Variants in FLVCR1 observed in about 807,000 individuals in gnomAD.
FLVCR1 encodes the protein FLVCR choline and heme transporter 1, also known as choline/ethanolamine transporter FLVCR1.
Under a neutral mutation model 53.6 loss-of-function variants are expected in FLVCR1, and 34 were observed. That is an observed-to-expected ratio of 0.63 (90% CI 0.48 to 0.84). The LOEUF (loss-of-function observed/expected upper bound fraction) is 0.84. FLVCR1 is among the 40% of genes least tolerant of loss of function. The probability of loss-of-function intolerance (pLI) is 0.00; values close to 1 mark genes in which losing one functional copy is unlikely to be tolerated. For missense variants in FLVCR1, 677 were observed against 696.7 expected, an observed-to-expected ratio of 0.97 and a Z score of 0.32; for synonymous variants, 300 against 286.3, an observed-to-expected ratio of 1.05 and a Z score of -0.48.
In FLVCR1 at chr1:212,896,164, A is replaced by G. The variant is rs1009139785; in HGVS notation, c.*874A>G. 7 of 146,108 alleles carry G rather than the reference A, an allele frequency of 4.8e-5. No individual in the cohort carries two copies. Among genetic ancestry groups the G allele is most frequent in the African/African-American group, 1.8e-4 (7 of 39,258 alleles). 9.1% of individuals were successfully genotyped at this position (146,108 alleles called of 1,614,324 possible). A position where few individuals can be genotyped will look rare whatever the true frequency, so the allele number is the denominator to read the frequency against. On this transcript the variant is annotated 3_prime_UTR_variant, in exon 10 of 10. Transcript: ENST00000366971. ...TTTTTTTCCTGATGTGTAACTTTCT[A>G]GTAAGATAATTTCATCATGTATGTT... is the stretch of plus-strand genomic sequence containing the variant.
rs1048534427 is a variant in FLVCR1, at chr1:212,885,632, C to T, written c.1196+236C>T. The T allele has an allele frequency of 2.1e-4, 79 of 381,104 alleles. 1 individual carries two copies. The highest frequency in any genetic ancestry group is 3.0e-5 in the South Asian group (1 of 32,858). 23.6% of individuals were successfully genotyped at this position (381,104 alleles called of 1,614,324 possible). A position where few individuals can be genotyped will look rare whatever the true frequency, so the allele number is the denominator to read the frequency against. On this transcript the variant is annotated intron_variant, in intron 5 of 9. Transcript: ENST00000366971. ...GTGGCGCAATCTCGGCTCACTGCAA[C>T]CTCTGTCTCCCGGCTTCACGCCATT...
chr1:212,893,591 A>C (rs755211637), intron 8 of FLVCR1, among the ~76,000 whole-genome samples: 26 of 152,174 alleles, frequency 1.7e-4, no homozygotes, highest in Non-Finnish European at 2.6e-4. Flanking sequence ...AGAGTTGATT[A>C]ATACGGCAAA....
rs1325050990 is a variant in FLVCR1, at chr1:212,898,914, AGAT to A, written c.*3625_*3627del. On this transcript the variant is annotated 3_prime_UTR_variant, in exon 10 of 10. Coordinates refer to ENST00000366971, the MANE Select transcript of FLVCR1 (RefSeq NM_014053.4). ...TATCTGTGTAATCTAAACATAGAAC[AGAT>A]AATACATTGTGCTACAATGTAACAA... 3 of 152,388 alleles carry A rather than the reference AGAT, an allele frequency of 2.0e-5. No individual in the cohort carries two copies. The East Asian group carries it at 5.8e-4, about 29-fold the overall frequency. The allele number at this position is 152,388 out of a possible 1,614,324, so 9.4% of individuals were successfully genotyped here.
chr1:212,891,225 A>G (rs10864023), intron 8 of FLVCR1, among the ~76,000 whole-genome samples: 59,934 of 151,886 alleles, frequency 0.39, 13,338 homozygotes, highest in South Asian at 0.52. Context: ...CCTGACCAAC[A>G]TAGTGAAACC....
Position 212,895,413 on chromosome 1 carries a change from T to C in FLVCR1, c.*123T>C, listed in dbSNP as rs1355815695. 1.1e-5 allele frequency: 8 copies of C among 734,284 alleles called. No individual in the cohort carries two copies. The highest frequency in any genetic ancestry group is 1.7e-5 in the Non-Finnish European group (7 of 402,462). The allele number at this position is 734,284 out of a possible 1,614,324, so 45.5% of individuals were successfully genotyped here. Reference sequence around the variant, plus strand: ...GGAATAAACACACTTACTTGAAAATTACCATATGAACTCTAAATGCATAAT... The same window carrying C: ...GGAATAAACACACTTACTTGAAAATCACCATATGAACTCTAAATGCATAAT... On this transcript the variant is annotated 3_prime_UTR_variant, in exon 10 of 10. Coordinates refer to ENST00000366971, the MANE Select transcript of FLVCR1 (RefSeq NM_014053.4).
chr1:212,858,407 C>T lies in FLVCR1; in HGVS notation c.-46C>T. 1.4e-6 allele frequency: 2 copies of T among 1,412,846 alleles called. No homozygotes were observed. The highest frequency in any genetic ancestry group is 1.8e-6 in the Non-Finnish European group (2 of 1,082,098). The allele number at this position is 1,412,846 out of a possible 1,614,324, so 87.5% of individuals were successfully genotyped here. On this transcript the variant is annotated 5_prime_UTR_variant, in exon 1 of 10. Coordinates refer to ENST00000366971, the MANE Select transcript of FLVCR1 (RefSeq NM_014053.4). ...GGGCTGTGGGCCGGGAGAGCGGAGT[C>T]GGGGAGTGGGGCGGGGGAGCGAGGT...
Position 212,858,961 on chromosome 1 carries a change from C to G in FLVCR1, c.509C>G (p.Thr170Ser), listed in dbSNP as rs761448723. 3 of 1,614,176 alleles carry G rather than the reference C, an allele frequency of 1.9e-6. No homozygotes were observed. The highest frequency in any genetic ancestry group is 2.5e-6 in the Non-Finnish European group (3 of 1,180,022). The change falls in exon 1 of 10, where the codon ACC (threonine) becomes AGC (serine). Residue 170 changes from threonine to serine, a missense_variant. Coordinates refer to ENST00000366971, the MANE Select transcript of FLVCR1 (RefSeq NM_014053.4). Reference sequence around the variant, plus strand: ...TTCCCGGCCACCTGGCTGCTGGACACCAGAGGCCTGCGGCTCACCGCCCTG... The same window carrying G: ...TTCCCGGCCACCTGGCTGCTGGACAGCAGAGGCCTGCGGCTCACCGCCCTG... ...LIFPATWLLD[T>S]RGLRLTALLG...
In FLVCR1 at chr1:212,858,932, C is replaced by T. The variant is rs1398426157; in HGVS notation, c.480C>T (p.Leu160=). 1.9e-6 allele frequency: 3 copies of T among 1,614,236 alleles called. No homozygotes were observed. The highest frequency in any genetic ancestry group is 2.5e-6 in the Non-Finnish European group (3 of 1,180,040). Residue 160 remains leucine, a synonymous_variant, in exon 1 of 10, where the codon CTC becomes CTT. Transcript: ENST00000366971. ...SMVYMLAYVP[L]IFPATWLLDT... Reference sequence around the variant, plus strand: ...TGTACATGCTGGCCTACGTGCCCCTCATCTTCCCGGCCACCTGGCTGCTGG... The same window carrying T: ...TGTACATGCTGGCCTACGTGCCCCTTATCTTCCCGGCCACCTGGCTGCTGG...
chr1:212,860,117 C>A (rs1262398571), intron 1 of FLVCR1, among the ~76,000 whole-genome samples: 5 of 130,168 alleles, frequency 3.8e-5, no homozygotes, highest in Non-Finnish European at 8.9e-5. Flanking sequence ...ACCAAATACA[C>A]AAAAATTAGT....
chr1:212,885,436 G>T, intron 5 of FLVCR1, 40 bp downstream of exon 5: 5 of 1,449,468 alleles, frequency 3.4e-6, no homozygotes, highest in Non-Finnish European at 4.8e-6. Flanking sequence ...ATAACCAAAG[G>T]TATTTTGATT....
chr1:212,883,592 T>C (rs962847303), intron 4 of FLVCR1, among the ~76,000 whole-genome samples, 154 bp downstream of exon 4: 1 of 152,232 alleles, frequency 6.6e-6, no homozygotes, highest in Non-Finnish European at 1.5e-5. Flanking sequence ...TGTTAAAAAA[T>C]GAAATTTCCA....
chr1:212,865,876 C>G (rs1430557889), intron 2 of FLVCR1, among the ~76,000 whole-genome samples: 1 of 142,030 alleles, frequency 7.0e-6, no homozygotes, highest in Admixed American at 7.0e-5. Context: ...AGGGCAGTGG[C>G]GCTATCTGGA....
Position 212,885,314 on chromosome 1 carries a change from A to G in FLVCR1, c.1114A>G (p.Arg372Gly). The G allele has an allele frequency of 6.2e-7, 1 of 1,614,090 alleles. No homozygotes were observed. Among genetic ancestry groups the G allele is most frequent in the Middle Eastern group, 1.7e-4 (1 of 6,060 alleles). ...YYEGEEVNAG[R>G]IGLTLVVAGM... ...TCAGGGAGAAGAAGTCAATGCTGGA[A>G]GGATTGGGCTAACGCTAGTAGTAGC... Residue 372 changes from arginine to glycine, a missense_variant, in exon 5 of 10, where the codon AGG becomes GGG. Arg to Gly is a moderately radical substitution (Grantham distance 125). Transcript: ENST00000366971.
At chr1:212,893,475 G>A (rs1665252151) in intron 8 of FLVCR1, among the ~76,000 whole-genome samples, 1 of 152,216 alleles carries the variant, frequency 6.6e-6, no homozygotes, top group South Asian at 2.1e-4. Context: ...CTTAGCTGAT[G>A]AAGCAGTGGC....
At chr1:212,893,809 CT>C (rs1169403316) in intron 8 of FLVCR1, among the ~76,000 whole-genome samples, 1 of 152,036 alleles carries the variant, frequency 6.6e-6, no homozygotes, top group East Asian at 1.9e-4. Context: ...GAGTTTCGCT[CT>C]TGTTGCCCAG....
chr1:212,866,076 C>G (rs1664415167), intron 2 of FLVCR1, among the ~76,000 whole-genome samples: 1 of 150,896 alleles, frequency 6.6e-6, no homozygotes, highest in Non-Finnish European at 1.5e-5. Flanking sequence ...CCTCTGCCTC[C>G]CACATTCAAG....
chr1:212,869,564 GAC>G lies in FLVCR1; in HGVS notation c.884-3110_884-3109del, dbSNP rs959372772. 1.3e-3 allele frequency among the ~76,000 whole-genome samples: 204 copies of G among 152,276 alleles called. 1 individual carries two copies. Among genetic ancestry groups the G allele is most frequent in the African/African-American group, 4.7e-3 (197 of 41,556 alleles). Reference sequence around the variant, plus strand: ...TATTTTCTTTTCTTTTCATTTTTGAGACACAGTTTCACTCTGTCGCCCAGGCT... The same window carrying G: ...TATTTTCTTTTCTTTTCATTTTTGAGACAGTTTCACTCTGTCGCCCAGGCT... On this transcript the variant is annotated intron_variant, in intron 2 of 9. Coordinates refer to ENST00000366971, the MANE Select transcript of FLVCR1 (RefSeq NM_014053.4).
chr1:212,872,144 C>T lies in FLVCR1; in HGVS notation c.884-534C>T, dbSNP rs559852928. ...TTTTTTTTTGTTTTGAGACAGGGTC[C>T]TGCTCTGTTGCCCAGGCTGGAGTGC... On this transcript the variant is annotated intron_variant, in intron 2 of 9. Coordinates refer to ENST00000366971, the MANE Select transcript of FLVCR1 (RefSeq NM_014053.4). 2.0e-5 allele frequency among the ~76,000 whole-genome samples: 3 copies of T among 151,838 alleles called. No homozygotes were observed. In the East Asian group the frequency reaches 5.8e-4, roughly 29 times the overall value.
chr1:212,869,918 G>T (rs1664547574), intron 2 of FLVCR1: 1 of 152,232 alleles, frequency 6.6e-6, no homozygotes, highest in African/African-American at 2.4e-5. Flanking sequence ...AAATAAAAAA[G>T]TAAGAGACTT....
Sources: gnomAD v4.1 joint callset for allele counts (sites outside exome capture counted in the v4.1 genomes callset) on GRCh38, gnomAD v4.1.1 for gene constraint, MANE v1.5 for transcripts, NCBI Gene and HGNC (gene_info 2026-07-23, HGNC 2026-07-21) for gene names.